The following USP10 variants were observed in gnomAD, a reference collection of about 807,000 sequenced individuals.
The protein encoded by USP10 is ubiquitin carboxyl-terminal hydrolase 10.
USP10 carries 22 observed loss-of-function variants against 84.5 expected under a neutral mutation model. The observed-to-expected ratio is 0.26, with a 90% CI of 0.19 to 0.37. The LOEUF (loss-of-function observed/expected upper bound fraction) is 0.37. USP10 is among the 10% of genes least tolerant of loss of function. USP10 has a pLI of 1.00. For missense variants in USP10, 1,019 were observed against 998.9 expected, an observed-to-expected ratio of 1.02 and a Z score of -0.27; for synonymous variants, 454 against 387.6, an observed-to-expected ratio of 1.17 and a Z score of -2.01.
chr16:84,769,993 C>G (rs1914259472), intron 11 of USP10, among the ~76,000 whole-genome samples: 1 of 152,170 alleles, frequency 6.6e-6, no homozygotes, highest in African/African-American at 2.4e-5. Flanking sequence ...CCCTTAGTCC[C>G]AGCACTTTGG....
Position 84,720,576 on chromosome 16 carries a change from A to ATTTTTTTTTTTTTTTT in USP10, c.22-12851_22-12836dup, listed in dbSNP as rs10699847. On this transcript the variant is annotated intron_variant, in intron 1 of 13. Transcript: ENST00000219473. The stretch of plus-strand genomic sequence containing the variant: ...ATGCAGAATAAAAAGATGATGCCCA[A>ATTTTTTTTTTTTTTTT]TTTTTTTTTTTTTTTTTTTTTTTGA... Among the ~76,000 whole-genome samples the ATTTTTTTTTTTTTTTT allele has an allele frequency of 2.0e-3, 179 of 88,350 alleles. 26 individuals carry two copies. In the South Asian group the frequency reaches 0.021, roughly 10 times the overall value. The allele number at this position is 88,350 out of a possible 152,430, so 58.0% of individuals were successfully genotyped here.
At chr16:84,701,370 A>C (rs749277198) in intron 1 of USP10, among the ~76,000 whole-genome samples, 4 of 152,216 alleles carry the variant, frequency 2.6e-5, no homozygotes, top group African/African-American at 4.8e-5. Context: ...TAAGTAGTGT[A>C]GGTCTTTGCG....
At chr16:84,746,770 C>A (rs1437720349) in intron 4 of USP10, among the ~76,000 whole-genome samples, 5 of 152,120 alleles carry the variant, frequency 3.3e-5, no homozygotes, top group Non-Finnish European at 7.4e-5. Context: ...ACAAATTTTT[C>A]CTCAATAAGA....
chr16:84,775,686 A>G (rs956658068), intron 13 of USP10, among the ~76,000 whole-genome samples: 1 of 152,100 alleles, frequency 6.6e-6, no homozygotes, highest in Admixed American at 6.5e-5. Flanking sequence ...CGATTACACA[A>G]GCTCCTCGGC....
intron 4 of USP10, among the ~76,000 whole-genome samples, chr16:84,747,106 C>T (rs991899238): frequency 2.0e-5 from 3 of 152,184 alleles, no homozygotes; most frequent in African/African-American, 7.2e-5. Context: ...TCATTGTTGA[C>T]CGAAATGTTA....
chr16:84,735,567 C>T (rs897568771), intron 2 of USP10, among the ~76,000 whole-genome samples: 6 of 152,030 alleles, frequency 3.9e-5, no homozygotes, highest in Admixed American at 1.3e-4. Flanking sequence ...TGCTTATTCA[C>T]GTCACAGAAA....
At chr16:84,747,433 ATTCC>A (rs1440827058) in intron 4 of USP10, among the ~76,000 whole-genome samples, 2 of 151,870 alleles carry the variant, frequency 1.3e-5, no homozygotes, top group Non-Finnish European at 2.9e-5. Context: ...AGAGTATTTT[ATTCC>A]TTATACAAAA....
At chr16:84,700,153 C>T in intron 1 of USP10, 42 bp downstream of exon 1, 1 of 1,235,262 alleles carries the variant, frequency 8.1e-7, no homozygotes, top group Non-Finnish European at 1.0e-6. Flanking sequence ...GGGCCCGAGC[C>T]CCGGGCGGGC....
intron 1 of USP10, among the ~76,000 whole-genome samples, chr16:84,720,385 G>C (rs1318391557): frequency 6.6e-6 from 1 of 152,040 alleles, no homozygotes; most frequent in Non-Finnish European, 1.5e-5. Flanking sequence ...AAATACTATA[G>C]TTTTGCTTCA....
chr16:84,719,034 C>T (rs1183871059), intron 1 of USP10, among the ~76,000 whole-genome samples: 1 of 152,004 alleles, frequency 6.6e-6, no homozygotes, highest in Non-Finnish European at 1.5e-5. Context: ...TCAAATGATC[C>T]ACCCGTCTCG....
At chr16:84,775,550 G>A (rs998751880) in intron 13 of USP10, among the ~76,000 whole-genome samples, 2 of 152,190 alleles carry the variant, frequency 1.3e-5, no homozygotes, top group Non-Finnish European at 2.9e-5. Flanking sequence ...GGCACCTGTG[G>A]GTGACAGTGC....
chr16:84,778,861 T>G (rs2150882475), intron 13 of USP10, 34 bp from the exon 14 acceptor site: 1 of 1,597,826 alleles, frequency 6.3e-7, no homozygotes, highest in South Asian at 1.1e-5. Context: ...TGCAGTGCTG[T>G]TCTCACTCTG....
chr16:84,749,917 G>A (rs7188464), intron 4 of USP10, among the ~76,000 whole-genome samples: 151,368 of 152,310 alleles, frequency 0.99, 75,225 homozygotes, highest in East Asian at 1. Flanking sequence ...TTTCAAGTGT[G>A]AACTGTTATT....
intron 4 of USP10, among the ~76,000 whole-genome samples, chr16:84,757,486 C>T (rs759686844): frequency 3.3e-5 from 5 of 149,606 alleles, no homozygotes; most frequent in African/African-American, 9.9e-5. Flanking sequence ...TGATTAGTGC[C>T]GAAGTCTGGG....
intron 1 of USP10, among the ~76,000 whole-genome samples, chr16:84,726,350 C>G (rs1374235904): frequency 6.6e-6 from 1 of 152,172 alleles, no homozygotes; most frequent in African/African-American, 2.4e-5. Flanking sequence ...TCTCGCCTTC[C>G]TTGGGCTGAG....
chr16:84,774,989 C>T (rs960984588), intron 12 of USP10, among the ~76,000 whole-genome samples, 171 bp from the exon 13 acceptor site: 2 of 152,146 alleles, frequency 1.3e-5, no homozygotes, highest in African/African-American at 2.4e-5. Flanking sequence ...CGTCACATGG[C>T]TCATTTCCTT....
At chr16:84,751,146 C>T (rs998791866) in intron 4 of USP10, among the ~76,000 whole-genome samples, 2 of 152,170 alleles carry the variant, frequency 1.3e-5, no homozygotes, top group Non-Finnish European at 2.9e-5. Flanking sequence ...TTACAGTTGC[C>T]TACGGTATTC....
chr16:84,703,011 AAAG>A (rs1299163593), intron 1 of USP10, among the ~76,000 whole-genome samples: 3 of 150,872 alleles, frequency 2.0e-5, no homozygotes, highest in African/African-American at 4.9e-5. Flanking sequence ...AAAAAAAAAA[AAAG>A]AGCGAAACTC....
At chr16:84,703,995 G>C (rs1024359913) in intron 1 of USP10, among the ~76,000 whole-genome samples, 1 of 152,214 alleles carries the variant, frequency 6.6e-6, no homozygotes. Flanking sequence ...ATTCACATAG[G>C]AAAACTTAAA....
Sources: gnomAD v4.1 joint callset for allele counts (sites outside exome capture counted in the v4.1 genomes callset) on GRCh38, gnomAD v4.1.1 for gene constraint, MANE v1.5 for transcripts, NCBI Gene and HGNC (gene_info 2026-07-23, HGNC 2026-07-21) for gene names.